Variants in TUSC3 observed in about 807,000 individuals in gnomAD.
TUSC3 encodes tumor suppressor candidate 3.
A neutral mutation model predicts 44.8 loss-of-function variants in TUSC3; 45 were observed. The observed-to-expected ratio is 1.00, with a 90% CI of 0.79 to 1.29. The LOEUF is 1.29. Ranked by LOEUF, TUSC3 falls within the 50% of genes most tolerant of loss-of-function variation. TUSC3 has a pLI of 0.00. For missense variants in TUSC3, 519 were observed against 437.9 expected, an observed-to-expected ratio of 1.19 and a Z score of -1.65; for synonymous variants, 212 against 152.9, an observed-to-expected ratio of 1.39 and a Z score of -2.85.
intron 1 of TUSC3, among the ~76,000 whole-genome samples, chr8:15,460,234 G>C (rs1261935534): frequency 6.6e-6 from 1 of 152,044 alleles, no homozygotes; most frequent in Admixed American, 6.6e-5. Context: ...GGCCATTCTT[G>C]TGGAGTAAGT....
chr8:15,774,425 A>G, the TUSC3 span, among the ~76,000 whole-genome samples: 460 of 152,242 alleles, frequency 3.0e-3, 2 homozygotes, highest in African/African-American at 9.9e-3. Flanking sequence ...GGAGAAAACC[A>G]TATAAAGATG....
intron 6 of TUSC3, among the ~76,000 whole-genome samples, chr8:15,697,479 G>C (rs1378750177): frequency 6.6e-6 from 1 of 152,080 alleles, no homozygotes; most frequent in Non-Finnish European, 1.5e-5. Context: ...ATAGGTTTTG[G>C]CTGTCTTTGT....
chr8:15,576,677 T>C (rs1803129949), intron 1 of TUSC3, among the ~76,000 whole-genome samples: 1 of 137,624 alleles, frequency 7.3e-6, no homozygotes, highest in East Asian at 2.4e-4. Flanking sequence ...TTCCATGGTG[T>C]ATATGTGCCA....
the TUSC3 span, chr8:15,807,027 T>G: frequency 7.0e-7 from 1 of 1,431,270 alleles, no homozygotes; most frequent in East Asian, 2.3e-5. Context: ...CTGCAGACCC[T>G]GTAAATCCTG....
At chr8:15,450,599 G>A (rs968338648) in intron 1 of TUSC3, among the ~76,000 whole-genome samples, 6 of 152,140 alleles carry the variant, frequency 3.9e-5, no homozygotes, top group South Asian at 2.1e-4. Flanking sequence ...GAACCCGGGC[G>A]GCAGAGGTTA....
Position 15,748,466 on chromosome 8 carries a change from G to A in TUSC3, c.1028+1G>A. ...CCAAGTACCACGGCTATCCTTATAGGTAATATCTTTATACTAACATGAATG... is the reference window on the plus strand; with the variant it reads ...CCAAGTACCACGGCTATCCTTATAGATAATATCTTTATACTAACATGAATG... On this transcript the variant is annotated splice_donor_variant, in intron 9 of 10. Coordinates refer to ENST00000503731, the MANE Select transcript of TUSC3 (RefSeq NM_006765.4). LOFTEE classifies it high-confidence loss of function. 6.3e-7 allele frequency: 1 copy of A among 1,596,072 alleles called. No homozygotes were observed. The highest frequency in any genetic ancestry group is 1.1e-5 in the South Asian group (1 of 90,692).
intron 7 of TUSC3, among the ~76,000 whole-genome samples, chr8:15,734,620 A>AG (rs1402458806): frequency 6.6e-6 from 1 of 152,178 alleles, no homozygotes; most frequent in African/African-American, 2.4e-5. Flanking sequence ...GTTTACAGAA[A>AG]GGTAGGATGA....
intron 9 of TUSC3, among the ~76,000 whole-genome samples, chr8:15,751,962 T>A (rs1811723006): frequency 6.6e-6 from 1 of 152,162 alleles, no homozygotes; most frequent in African/African-American, 2.4e-5. Flanking sequence ...CAATTGCCTC[T>A]CAGTTTTAAA....
the TUSC3 span, among the ~76,000 whole-genome samples, chr8:15,831,132 G>A: frequency 6.6e-6 from 1 of 152,284 alleles, no homozygotes; most frequent in South Asian, 2.1e-4. Flanking sequence ...AACAAAGATG[G>A]AGCGCAAAAC....
At chr8:15,614,687 A>G (rs1483963309) in intron 1 of TUSC3, among the ~76,000 whole-genome samples, 1 of 152,150 alleles carries the variant, frequency 6.6e-6, no homozygotes, top group African/African-American at 2.4e-5. Context: ...CTATCCATTC[A>G]ACAGTTGATG....
chr8:15,749,616 CA>C (rs1367203463), intron 9 of TUSC3, among the ~76,000 whole-genome samples: 1 of 151,660 alleles, frequency 6.6e-6, no homozygotes, highest in Non-Finnish European at 1.5e-5. Context: ...ATGAGAGAGG[CA>C]AGCAGAGTCT....
the TUSC3 span, among the ~76,000 whole-genome samples, chr8:15,832,032 G>A: frequency 3.3e-5 from 5 of 152,162 alleles, no homozygotes; most frequent in East Asian, 3.9e-4. Context: ...GTATGTTGAA[G>A]GGAGCTAGAG....
At chr8:15,749,647 C>CT (rs140133114) in intron 9 of TUSC3, among the ~76,000 whole-genome samples, 4,474 of 151,534 alleles carry the variant, frequency 0.03, 204 homozygotes, top group African/African-American at 0.1. Flanking sequence ...TCATTTTACT[C>CT]TTGACTTTAG....
chr8:15,609,434 C>T (rs749531113), intron 1 of TUSC3, among the ~76,000 whole-genome samples: 2 of 152,122 alleles, frequency 1.3e-5, no homozygotes, highest in African/African-American at 4.8e-5. Flanking sequence ...AGATTTTCTT[C>T]TAAGCTTTTA....
At chr8:15,511,983 C>T (rs4831733) in intron 2 of TUSC3, among the ~76,000 whole-genome samples, 70,853 of 152,054 alleles carry the variant, frequency 0.47, 19,227 homozygotes, top group Non-Finnish European at 0.62. Context: ...ATCCAAGTTC[C>T]AGTAAGCGTG....
intron 1 of TUSC3, among the ~76,000 whole-genome samples, chr8:15,435,765 C>T (rs28520813): frequency 0.16 from 24,701 of 152,198 alleles, 2,079 homozygotes; most frequent in Middle Eastern, 0.22. Context: ...CTACATTGCT[C>T]TTGGAATCTG....
chr8:15,810,062 C>T, the TUSC3 span, among the ~76,000 whole-genome samples: 2 of 152,136 alleles, frequency 1.3e-5, no homozygotes, highest in Admixed American at 6.6e-5. Context: ...TCAGGGATCA[C>T]GCTTTTGGTA....
chr8:15,586,880 TA>T (rs1803625452), intron 1 of TUSC3, among the ~76,000 whole-genome samples: 1 of 152,152 alleles, frequency 6.6e-6, no homozygotes, highest in African/African-American at 2.4e-5. Context: ...TTCCTGGAAT[TA>T]AAATTCTTGG....
intron 2 of TUSC3, among the ~76,000 whole-genome samples, chr8:15,630,168 G>C (rs760135545): frequency 6.6e-6 from 1 of 152,114 alleles, no homozygotes; most frequent in Non-Finnish European, 1.5e-5. Flanking sequence ...CTATGGATCA[G>C]TAGATTTAAG....
Sources: gnomAD v4.1 joint callset for allele counts (sites outside exome capture counted in the v4.1 genomes callset) on GRCh38, gnomAD v4.1.1 for gene constraint, MANE v1.5 for transcripts, NCBI Gene and HGNC (gene_info 2026-07-23, HGNC 2026-07-21) for gene names.